Variants in AP5Z1 observed in about 807,000 individuals in gnomAD.
AP5Z1 encodes the protein adaptor related protein complex 5 subunit zeta 1.
Under a neutral mutation model 83.0 loss-of-function variants are expected in AP5Z1, and 106 were observed. The ratio of observed to expected loss-of-function variants is 1.28; its 90% confidence interval spans 1.09 to 1.50. The LOEUF is 1.50. Ranked by LOEUF, AP5Z1 falls within the 40% of genes most tolerant of loss-of-function variation. The probability of loss-of-function intolerance (pLI) is 0.00; values close to 1 mark genes in which losing one functional copy is unlikely to be tolerated. For missense variants in AP5Z1, 1,565 were observed against 1,094.2 expected, an observed-to-expected ratio of 1.43 and a Z score of -6.07; for synonymous variants, 751 against 514.1, an observed-to-expected ratio of 1.46 and a Z score of -6.23.
intron 7 of AP5Z1, 69 bp from the exon 8 acceptor site, chr7:4,785,346 C>A (rs760567945): frequency 5.8e-6 from 9 of 1,564,484 alleles, no homozygotes; most frequent in Non-Finnish European, 7.8e-6. Flanking sequence ...TTCCAGAGCA[C>A]AAGCTGCCCC....
Position 4,788,262 on chromosome 7 carries a change from G to A in AP5Z1, c.1563G>A (p.Leu521=), listed in dbSNP as rs182411153. 593 of 1,590,558 alleles carry A rather than the reference G, an allele frequency of 3.7e-4. 4 individuals are homozygous for A. The African/African-American group carries it at 4.9e-3, about 13-fold the overall frequency. ...DPQFQGLFQY[L]LRPKASGATE... ...AGTTCCAGGGTCTTTTCCAATACCTGCTGCGCCCCAAGGCCAGTGGCGCCA... is the reference window on the plus strand; with the variant it reads ...AGTTCCAGGGTCTTTTCCAATACCTACTGCGCCCCAAGGCCAGTGGCGCCA... The change falls in exon 12 of 17, where the codon CTG becomes CTA. Residue 521 remains leucine, a synonymous_variant. Transcript: ENST00000649063.
At chr7:4,781,530 G>T in intron 2 of AP5Z1, 38 bp from the exon 3 acceptor site, 1 of 1,593,414 alleles carries the variant, frequency 6.3e-7, no homozygotes. Flanking sequence ...CCACGGTCGT[G>T]ACGTGTTACC....
chr7:4,782,134 C>A (rs1217557287), intron 3 of AP5Z1, among the ~76,000 whole-genome samples: 1 of 152,174 alleles, frequency 6.6e-6, no homozygotes, highest in Non-Finnish European at 1.5e-5. Context: ...CTCACTGCAG[C>A]CTCGACCTCC....
At position 4,790,478 on chromosome 7, in the gene AP5Z1, C is replaced by T. The variant is rs1294420678; in HGVS notation, c.1825C>T (p.Leu609=). Residue 609 remains leucine (L), a synonymous_variant, in exon 15 of 17, where the codon CTG becomes TTG. Coordinates refer to ENST00000649063, the MANE Select transcript of AP5Z1 (RefSeq NM_014855.3). ...GVHSVLSSQF[L]ALCTLKPSLV... ...GGGCAGTGTGCTGAGTTCTCAGTTC[C>T]TGGCCCTGTGTACGCTGAAACCCTC... 4.3e-6 allele frequency: 7 copies of T among 1,613,222 alleles called. No individual in the cohort carries two copies. Among genetic ancestry groups the T allele is most frequent in the Non-Finnish European group, 5.9e-6 (7 of 1,179,868 alleles).
rs771683676 is a variant in AP5Z1 at position 4,790,813 on chromosome 7, TC to T, written c.2086del (p.Gln696ArgfsTer6). ...CRPSAALPRC[P>X]PQVVTVLMTT... Reference sequence around the variant, plus strand: ...GCCCCTCTGCTGCCCTGCCCAGGTGTCCCCCCCAGGTGGTCACCGTGCTGAT... The same window carrying T: ...GCCCCTCTGCTGCCCTGCCCAGGTGTCCCCCCAGGTGGTCACCGTGCTGAT... On this transcript the variant is annotated frameshift_variant, in exon 16 of 17. Transcript: ENST00000649063. LOFTEE classifies it high-confidence loss of function. 5.6e-6 allele frequency: 9 copies of T among 1,608,858 alleles called. No homozygotes were observed. Among genetic ancestry groups the T allele is most frequent in the South Asian group, 3.3e-5 (3 of 90,090 alleles).
In AP5Z1 at chr7:4,786,398, C is replaced by A. The variant is rs780808681; in HGVS notation, c.1281C>A (p.Thr427=). 39 of 1,613,776 alleles carry A rather than the reference C, an allele frequency of 2.4e-5. No individual in the cohort carries two copies. Among genetic ancestry groups the A allele is most frequent in the Non-Finnish European group, 2.9e-5 (34 of 1,179,874 alleles). The change falls in exon 10 of 17, where the codon ACC becomes ACA. Residue 427 remains threonine, a synonymous_variant. Transcript: ENST00000649063. ...NLHLFSGHLS[T]LRLSFPNLFK... Reference sequence around the variant, plus strand: ...ACCTGTTCAGCGGGCACCTCAGCACCCTCAGATTGAGCTTCCCCAACCTCT... The same window carrying A: ...ACCTGTTCAGCGGGCACCTCAGCACACTCAGATTGAGCTTCCCCAACCTCT...
chr7:4,784,888 A>C lies in AP5Z1; in HGVS notation c.791-20A>C. The C allele has an allele frequency of 6.2e-7, 1 of 1,602,140 alleles. No homozygotes were observed. Among genetic ancestry groups the C allele is most frequent in the Non-Finnish European group, 8.5e-7 (1 of 1,172,502 alleles). ...CCGGGAGCCACACGTCAGCCTGCTG[A>C]GAGTTCCCACCTCCCGCAGATGACA... On this transcript the variant is annotated intron_variant, in intron 6 of 16. Transcript: ENST00000649063.
chr7:4,783,870 C>G, intron 5 of AP5Z1, 72 bp downstream of exon 5: 1 of 1,450,584 alleles, frequency 6.9e-7, no homozygotes, highest in Non-Finnish European at 9.3e-7. Context: ...GCTCCTGTGC[C>G]CACAGCGGCG....
chr7:4,790,782 A>C lies in AP5Z1; in HGVS notation c.2048A>C (p.Gln683Pro). 1 of 1,609,198 alleles carries C rather than the reference A, an allele frequency of 6.2e-7. No homozygotes were observed. Among genetic ancestry groups the C allele is most frequent in the Non-Finnish European group, 8.5e-7 (1 of 1,178,804 alleles). ...ALEALLFEVT[Q>P]CRPSAALPRC... is the part of the protein sequence containing the mutation. ...GAGGCTCTGCTATTCGAGGTCACCC[A>C]GTGCCGCCCCTCTGCTGCCCTGCCC... Residue 683 changes from glutamine (Q) to proline (P), a missense_variant, in exon 16 of 17, where the codon CAG becomes CCG. By Grantham distance (76) the Gln-to-Pro change is moderately conservative. Transcript: ENST00000649063.
chr7:4,784,132 G>C, intron 5 of AP5Z1, 71 bp from the exon 6 acceptor site: 1 of 1,494,864 alleles, frequency 6.7e-7, no homozygotes, highest in African/African-American at 1.4e-5. Flanking sequence ...CTCCTGAGGA[G>C]CTTGTGCTAA....
At chr7:4,779,349 C>T (rs1293708355) in intron 1 of AP5Z1, among the ~76,000 whole-genome samples, 2 of 144,554 alleles carry the variant, frequency 1.4e-5, no homozygotes, top group African/African-American at 2.6e-5. Flanking sequence ...TAACATATAA[C>T]ATGTTATATA....
chr7:4,786,700 A>G (rs569307067), intron 10 of AP5Z1, among the ~76,000 whole-genome samples: 6 of 152,132 alleles, frequency 3.9e-5, no homozygotes, highest in Admixed American at 2.6e-4. Context: ...GCACTGGGGC[A>G]GGGCTGCTGC....
chr7:4,786,322 A>G lies in AP5Z1; in HGVS notation c.1205A>G (p.His402Arg). 1 of 1,613,808 alleles carries G rather than the reference A, an allele frequency of 6.2e-7. No individual in the cohort carries two copies. The highest frequency in any genetic ancestry group is 8.5e-7 in the Non-Finnish European group (1 of 1,179,802). Residue 402 changes from histidine (H) to arginine (R), a missense_variant, in exon 10 of 17, where the codon CAC becomes CGC. Coordinates refer to ENST00000649063, the MANE Select transcript of AP5Z1 (RefSeq NM_014855.3). Reference sequence around the variant, plus strand: ...ACCAGGATCCCGGTGGAGCAGTTCCACAGCCCCATGCTGGCCTTTGAATTC... The same window carrying G: ...ACCAGGATCCCGGTGGAGCAGTTCCGCAGCCCCATGCTGGCCTTTGAATTC... ...LFTRIPVEQFHSPMLAFEFIQ... is the reference protein window; with the variant it reads ...LFTRIPVEQFRSPMLAFEFIQ...
rs539943636 is a variant in AP5Z1 at position 4,788,412 on chromosome 7, A to G, written c.1595+118A>G. 5.0e-3 allele frequency: 6,363 copies of G among 1,273,728 alleles called. 29 individuals carry two copies. The highest frequency in any genetic ancestry group is 6.3e-3 in the Non-Finnish European group (5,939 of 949,960). The allele number at this position is 1,273,728 out of a possible 1,614,324, so 78.9% of individuals were successfully genotyped here. ...GCCAGGGTGCTTTGTGTCCCACACA[A>G]GGCTGCGTCCCCGTCATCACCATTA... On this transcript the variant is annotated intron_variant, in intron 12 of 16. Transcript: ENST00000649063.
Position 4,791,246 on chromosome 7 carries a change from G to T in AP5Z1, c.2285G>T (p.Ser762Ile), listed in dbSNP as rs766529178. The T allele has an allele frequency of 1.2e-6, 2 of 1,612,766 alleles. No homozygotes were observed. The highest frequency in any genetic ancestry group is 1.7e-6 in the Non-Finnish European group (2 of 1,179,846). ...CTGCTGACCCTGCTGAAGATGCCTA[G>T]CGTGGCCCAGTTTGTGCTCACACCC... ...TELLTLLKMP[S>I]VAQFVLTPST... The change falls in exon 17 of 17, where the codon AGC becomes ATC. Residue 762 changes from serine (S) to isoleucine (I), a missense_variant. Ser to Ile is a moderately radical substitution (Grantham distance 142). Coordinates refer to ENST00000649063, the MANE Select transcript of AP5Z1 (RefSeq NM_014855.3).
chr7:4,785,667 ACTT>A lies in AP5Z1; in HGVS notation c.1120_1122del (p.Phe374del), dbSNP rs769644722. On this transcript the variant is annotated inframe_deletion, in exon 9 of 17. Transcript: ENST00000649063. ...GTGCGGGTGCTGCTGCCCCTCGCCC[ACTT>A]CTTCCTGAGCCACGGTGAGCCCAGG... The A allele has an allele frequency of 1.6e-5, 25 of 1,539,252 alleles. No individual in the cohort carries two copies. In the South Asian group the frequency reaches 2.7e-4, roughly 17 times the overall value.
At chr7:4,785,778 T>A (rs1781525156) in intron 9 of AP5Z1, 94 bp downstream of exon 9, 2 of 1,353,912 alleles carry the variant, frequency 1.5e-6, no homozygotes, top group African/African-American at 3.1e-5. Context: ...TTTTTTTTTT[T>A]TTGATTGAAT....
Position 4,784,320 on chromosome 7 carries a change from C to G in AP5Z1, c.739C>G (p.Arg247Gly). 6.4e-7 allele frequency: 1 copy of G among 1,559,790 alleles called. No individual in the cohort carries two copies. Among genetic ancestry groups the G allele is most frequent in the Non-Finnish European group, 8.7e-7 (1 of 1,150,824 alleles). The change falls in exon 6 of 17, where the codon CGG (arginine) becomes GGG (glycine). Residue 247 changes from arginine to glycine, a missense_variant. By Grantham distance (125) the Arg-to-Gly change is moderately radical (BLOSUM62 -2). Transcript: ENST00000649063. ...WLNVQAFSML[R>G]AWLLHSGPEG... Reference sequence around the variant, plus strand: ...GAACGTGCAGGCCTTCTCTATGCTGCGGGCGTGGCTGCTGCACAGCGGCCC... The same window carrying G: ...GAACGTGCAGGCCTTCTCTATGCTGGGGGCGTGGCTGCTGCACAGCGGCCC...
chr7:4,783,310 T>C lies in AP5Z1; in HGVS notation c.367-6T>C, dbSNP rs770452269. 6.2e-7 allele frequency: 1 copy of C among 1,601,958 alleles called. No individual in the cohort carries two copies. Among genetic ancestry groups the C allele is most frequent in the South Asian group, 1.1e-5 (1 of 89,608 alleles). On this transcript the variant is annotated splice_region_variant and splice_polypyrimidine_tract_variant and intron_variant, in intron 3 of 16. Coordinates refer to ENST00000649063, the MANE Select transcript of AP5Z1 (RefSeq NM_014855.3). ...TACCCCAGCGTTTGCCCTGTTTGATTTGAAGGGTGACAGAAACGAGGAGGT... is the reference window on the plus strand; with the variant it reads ...TACCCCAGCGTTTGCCCTGTTTGATCTGAAGGGTGACAGAAACGAGGAGGT...
Sources: gnomAD v4.1 joint callset for allele counts (sites outside exome capture counted in the v4.1 genomes callset) on GRCh38, gnomAD v4.1.1 for gene constraint, MANE v1.5 for transcripts, NCBI Gene and HGNC (gene_info 2026-07-23, HGNC 2026-07-21) for gene names.